Variants in CHD1L observed in about 807,000 individuals in gnomAD.
CHD1L encodes chromodomain helicase DNA binding protein 1 like, also known as ATP-dependent chromatin remodeler CHD1L.
CHD1L carries 118 observed loss-of-function variants against 115.9 expected under a neutral mutation model. The observed-to-expected ratio is 1.02, with a 90% CI of 0.88 to 1.19. The LOEUF (loss-of-function observed/expected upper bound fraction) is 1.19. Among genes scored for constraint, CHD1L ranks in the 50% most tolerant of loss-of-function variants. CHD1L has a pLI of 0.00. For synonymous variants in CHD1L, 411 were observed against 387.1 expected (o/e 1.06, Z -0.72); for missense variants, 1,179 against 1,065.3 (o/e 1.11, Z -1.49).
At chr1:147,215,503 G>T in the CHD1L span, 1 of 442,018 alleles carries the variant, frequency 2.3e-6, no homozygotes. Flanking sequence ...CAAATAATGT[G>T]AAATGAAGGT....
the CHD1L span, among the ~76,000 whole-genome samples, chr1:147,232,663 T>A: frequency 6.6e-6 from 1 of 152,098 alleles, no homozygotes; most frequent in Non-Finnish European, 1.5e-5. Context: ...CACGCCTGAC[T>A]GGTTTTCGTA....
At chr1:147,208,714 C>A in the CHD1L span, 2 of 637,172 alleles carry the variant, frequency 3.1e-6, no homozygotes, top group South Asian at 1.8e-5. Flanking sequence ...GCTGGGATTA[C>A]AGGCGTGAGC....
the CHD1L span, among the ~76,000 whole-genome samples, chr1:147,180,093 A>T: frequency 6.6e-6 from 1 of 152,168 alleles, no homozygotes; most frequent in Non-Finnish European, 1.5e-5. Context: ...TAAGAACTCT[A>T]CTATTTTTGT....
At chr1:147,265,414 A>C (rs180888779) in intron 7 of CHD1L, among the ~76,000 whole-genome samples, 10 of 152,190 alleles carry the variant, frequency 6.6e-5, no homozygotes, top group Admixed American at 6.5e-4. Context: ...TTCCATTTGC[A>C]TATCTGGCAA....
At chr1:147,292,146 C>T (rs1685775829) in intron 20 of CHD1L, among the ~76,000 whole-genome samples, 1 of 152,164 alleles carries the variant, frequency 6.6e-6, no homozygotes, top group South Asian at 2.1e-4. Flanking sequence ...TCTTTTTATC[C>T]TCAGTACCCT....
chr1:147,195,718 A>T, the CHD1L span, among the ~76,000 whole-genome samples: 18 of 152,134 alleles, frequency 1.2e-4, 1 homozygote, highest in Admixed American at 1.2e-3. Context: ...GCCATGTAGA[A>T]GATTTTGGCC....
chr1:147,224,854 G>T, the CHD1L span: 1 of 1,591,384 alleles, frequency 6.3e-7, no homozygotes, highest in South Asian at 1.1e-5. Flanking sequence ...CCTAGTTGCA[G>T]GGAGGGTTTC....
chr1:147,288,024 C>T (rs948391436), intron 19 of CHD1L, among the ~76,000 whole-genome samples: 1 of 152,190 alleles, frequency 6.6e-6, no homozygotes, highest in Non-Finnish European at 1.5e-5. Context: ...TCCCTGCATA[C>T]ATGTTAAAGT....
the CHD1L span, chr1:147,209,003 C>A: frequency 6.2e-7 from 1 of 1,614,050 alleles, no homozygotes; most frequent in South Asian, 1.1e-5. Flanking sequence ...TATCCGTAGT[C>A]CCCTACACGA....
At chr1:147,260,095 C>T (rs1215388064) in intron 6 of CHD1L, 177 bp downstream of exon 6, 23 of 478,722 alleles carry the variant, frequency 4.8e-5, no homozygotes, top group Non-Finnish European at 7.9e-5. Flanking sequence ...CAGCTTCACC[C>T]ATTATCAACA....
At chr1:147,201,470 G>A in the CHD1L span, 6 of 1,613,992 alleles carry the variant, frequency 3.7e-6, no homozygotes, top group Admixed American at 5.0e-5. Context: ...CGATTTGGCA[G>A]GTCATCATTT....
chr1:147,219,426 A>G, the CHD1L span, among the ~76,000 whole-genome samples: 6 of 152,230 alleles, frequency 3.9e-5, no homozygotes, highest in African/African-American at 1.2e-4. Context: ...TGTTGTTTGT[A>G]CAACACCCAT....
chr1:147,215,645 A>C, the CHD1L span: 1 of 750,160 alleles, frequency 1.3e-6, no homozygotes, highest in Non-Finnish European at 2.2e-6. Context: ...GGATAAATAC[A>C]TGTGCAAATC....
At chr1:147,228,756 G>C in the CHD1L span, among the ~76,000 whole-genome samples, 4 of 152,176 alleles carry the variant, frequency 2.6e-5, no homozygotes, top group African/African-American at 9.7e-5. Context: ...TTCTCTGGTG[G>C]CCAGTGATGA....
At chr1:147,272,074 G>A (rs1676453738) in intron 11 of CHD1L, 97 bp from the exon 12 acceptor site, 2 of 913,080 alleles carry the variant, frequency 2.2e-6, no homozygotes, top group Non-Finnish European at 3.4e-6. Context: ...TATATGGAAA[G>A]GGACAAAATT....
the CHD1L span, chr1:147,209,012 G>T: frequency 1.2e-6 from 2 of 1,613,972 alleles, no homozygotes; most frequent in African/African-American, 1.3e-5. Flanking sequence ...TCCCCTACAC[G>T]ATTCAGGATC....
At chr1:147,225,228 G>A in the CHD1L span, 8 of 1,391,502 alleles carry the variant, frequency 5.7e-6, no homozygotes, top group Non-Finnish European at 7.5e-6. Flanking sequence ...TGGCATGGGG[G>A]AGCCCTGCGC....
chr1:147,279,552 C>A lies in CHD1L; in HGVS notation c.1540-474C>A, dbSNP rs1553960295. Among the ~76,000 whole-genome samples the A allele has an allele frequency of 2.0e-5, 3 of 152,218 alleles. No homozygotes were observed. In the East Asian group the frequency reaches 5.8e-4, roughly 29 times the overall value. On this transcript the variant is annotated intron_variant, in intron 14 of 22. Transcript: ENST00000369258. Reference sequence around the variant, plus strand: ...TCGATAGACCACTGTGTTAGGAAAACAAATTGCCAAAGAAAAGGAGTCAGT... The same window carrying A: ...TCGATAGACCACTGTGTTAGGAAAAAAAATTGCCAAAGAAAAGGAGTCAGT...
intron 1 of CHD1L, among the ~76,000 whole-genome samples, chr1:147,249,734 T>G (rs1386498826): frequency 2.6e-5 from 4 of 152,204 alleles, no homozygotes; most frequent in African/African-American, 9.6e-5. Context: ...TTTACTCAGT[T>G]TCTTGAAACT....
Sources: allele counts gnomAD v4.1 joint callset (sites outside exome capture counted in the v4.1 genomes callset), GRCh38; gene constraint gnomAD v4.1.1; transcripts MANE v1.5; gene names NCBI Gene and HGNC (gene_info 2026-07-23, HGNC 2026-07-21).